The following ISG20 variants were observed in gnomAD, a reference collection of about 807,000 sequenced individuals.
The protein encoded by ISG20 is interferon stimulated exonuclease gene 20, also known as interferon-stimulated gene 20 kDa protein.
Under a neutral mutation model 11.1 loss-of-function variants are expected in ISG20, and 8 were observed. The observed-to-expected ratio is 0.72, with a 90% CI of 0.42 to 1.30. The LOEUF (loss-of-function observed/expected upper bound fraction) is 1.30. ISG20 is among the 50% of genes most tolerant of loss of function. ISG20 has a pLI of 0.01. For synonymous variants in ISG20, 110 were observed against 101.7 expected, an observed-to-expected ratio of 1.08 and a Z score of -0.49; for missense variants, 243 against 250.2, an observed-to-expected ratio of 0.97 and a Z score of 0.19.
chr15:88,636,550 T>G (rs981560365), upstream of ISG20, among the ~76,000 whole-genome samples: 3 of 152,154 alleles, frequency 2.0e-5, no homozygotes, highest in Non-Finnish European at 4.4e-5. Context: ...GGATAGGAAG[T>G]AAACTTTTAG....
rs1596041623 is a variant in ISG20 at position 88,639,310 on chromosome 15, G to A, written c.-24-33G>A. 2.1e-6 allele frequency: 3 copies of A among 1,396,284 alleles called. No homozygotes were observed. Among genetic ancestry groups the A allele is most frequent in the East Asian group, 2.4e-5 (1 of 41,198 alleles). The allele number at this position is 1,396,284 out of a possible 1,614,324, so 86.5% of individuals were successfully genotyped here. On this transcript the variant is annotated intron_variant, in intron 1 of 3. Transcript: ENST00000306072. This position sits in a 1 kb window ranked among gnomAD's most constrained non-coding sequence, Gnocchi z 4.2. ...ACACCTGGAGGCTTGGTTTGCCCAA[G>A]CGTGAGACCGCCCCCCATACCCCTC...
At chr15:88,655,344 G>A in intron 3 of ISG20, 71 bp from the exon 4 acceptor site, 1 of 1,391,224 alleles carries the variant, frequency 7.2e-7, no homozygotes, top group Non-Finnish European at 1.0e-6. Flanking sequence ...GATGTGACCA[G>A]GGAAGACCCT....
Position 88,639,954 on chromosome 15 carries a change from T to C in ISG20, c.228+360T>C, listed in dbSNP as rs1295231016. 6.6e-6 allele frequency among the ~76,000 whole-genome samples: 1 copy of C among 152,222 alleles called. No homozygotes were observed. The highest frequency in any genetic ancestry group is 1.5e-5 in the Non-Finnish European group (1 of 68,034). On this transcript the variant is annotated intron_variant, in intron 2 of 3. Transcript: ENST00000306072. The surrounding 1 kb of genome is among the most constrained non-coding windows in gnomAD (Gnocchi z 4.2). ...GACCTGTGGGGAAATGAGAGGATTC[T>C]TGGCTGAGGCTCTGGCAAGAGGCTT... is the stretch of plus-strand genomic sequence containing the variant.
intron 2 of ISG20, among the ~76,000 whole-genome samples, chr15:88,645,680 C>A (rs1472510275): frequency 6.6e-6 from 1 of 152,164 alleles, no homozygotes; most frequent in Non-Finnish European, 1.5e-5. Context: ...AACTCCTAGT[C>A]TCTCCTATCC....
At chr15:88,640,387 C>T (rs982453686) in intron 2 of ISG20, among the ~76,000 whole-genome samples, 1 of 152,170 alleles carries the variant, frequency 6.6e-6, no homozygotes, top group African/African-American at 2.4e-5. Context: ...TGAGCACTCA[C>T]TATGCACTGG....
intron 3 of ISG20, among the ~76,000 whole-genome samples, chr15:88,652,873 G>C (rs956159017): frequency 1.4e-4 from 21 of 151,538 alleles, no homozygotes; most frequent in Non-Finnish European, 2.6e-4. Context: ...CCTCACCTCA[G>C]ATATGTCTCA....
At chr15:88,640,438 C>G (rs2141388635) in intron 2 of ISG20, among the ~76,000 whole-genome samples, 1 of 152,310 alleles carries the variant, frequency 6.6e-6, no homozygotes, top group South Asian at 2.1e-4. Flanking sequence ...CTCATTCACT[C>G]CTCACAAACA....
At chr15:88,637,351 T>C, upstream of ISG20, 1 of 150,712 alleles carries the variant, frequency 6.6e-6, no homozygotes, top group African/African-American at 2.4e-5. Context: ...TTTTTTTTTT[T>C]TGGACATCAG....
At chr15:88,637,021 T>C (rs1240904572), upstream of ISG20, among the ~76,000 whole-genome samples, 1 of 152,022 alleles carries the variant, frequency 6.6e-6, no homozygotes, top group Non-Finnish European at 1.5e-5. Context: ...GTTGGAAGTG[T>C]GGGAGGTGGG....
At chr15:88,640,840 G>C (rs537931801) in intron 2 of ISG20, among the ~76,000 whole-genome samples, 1 of 151,784 alleles carries the variant, frequency 6.6e-6, no homozygotes, top group African/African-American at 2.4e-5. Context: ...GGTGGCACAT[G>C]CCCATGGTCA....
rs202155196 is a variant in ISG20, at chr15:88,639,380, G to A, written c.14G>A (p.Arg5His). The A allele has an allele frequency of 8.7e-6, 14 of 1,612,426 alleles. No homozygotes were observed. Among genetic ancestry groups the A allele is most frequent in the Non-Finnish European group, 1.2e-5 (14 of 1,179,148 alleles). The change falls in exon 2 of 4, where the codon CGT (arginine) becomes CAT (histidine). Residue 5 changes from arginine to histidine, a missense_variant. By Grantham distance (29) the Arg-to-His change is conservative. Transcript: ENST00000306072. The surrounding 1 kb of genome is among the most constrained non-coding windows in gnomAD (Gnocchi z 4.2). ...TCCCCAAGGAACATGGCTGGGAGCC[G>A]TGAGGTGGTGGCCATGGACTGCGAG... is the stretch of plus-strand genomic sequence containing the variant. The part of the protein sequence containing the change: MAGS[R>H]EVVAMDCEMV...
At chr15:88,644,303 G>T (rs2058131294) in intron 2 of ISG20, among the ~76,000 whole-genome samples, 1 of 151,996 alleles carries the variant, frequency 6.6e-6, no homozygotes. Context: ...GGAGGCCGAG[G>T]TGGGCAGATC....
In ISG20 at chr15:88,639,497, G is replaced by C. The variant is rs762977706; in HGVS notation, c.131G>C (p.Arg44Pro). 1.9e-6 allele frequency: 3 copies of C among 1,614,080 alleles called. No individual in the cohort carries two copies. The highest frequency in any genetic ancestry group is 2.7e-5 in the African/African-American group (2 of 74,916). The part of the protein sequence containing the change: ...HGAVLYDKFI[R>P]PEGEITDYRT... Reference sequence around the variant, plus strand: ...GCTGTGCTGTACGACAAGTTCATCCGGCCTGAGGGAGAGATCACCGATTAC... The same window carrying C: ...GCTGTGCTGTACGACAAGTTCATCCCGCCTGAGGGAGAGATCACCGATTAC... The change falls in exon 2 of 4, where the codon CGG (arginine) becomes CCG (proline). Residue 44 changes from arginine (R) to proline (P), a missense_variant. Coordinates refer to ENST00000306072, the MANE Select transcript of ISG20 (RefSeq NM_002201.6). This position sits in a 1 kb window ranked among gnomAD's most constrained non-coding sequence, Gnocchi z 4.2.
rs766805430 is a variant in ISG20, at chr15:88,652,148, T to C, written c.267T>C (p.His89=). The change falls in exon 3 of 4, where the codon CAT becomes CAC. Residue 89 remains histidine (H), a synonymous_variant. Transcript: ENST00000306072. ...TGAAAGGCAAGCTGGTGGTGGGTCA[T>C]GACCTGAAGCACGACTTCCAGGCAC... ...QLLKGKLVVG[H]DLKHDFQALK... 1 of 1,614,072 alleles carries C rather than the reference T, an allele frequency of 6.2e-7. No homozygotes were observed. The highest frequency in any genetic ancestry group is 2.2e-5 in the East Asian group (1 of 44,866).
intron 3 of ISG20, among the ~76,000 whole-genome samples, chr15:88,652,956 A>G (rs915801939): frequency 6.6e-6 from 1 of 151,766 alleles, no homozygotes; most frequent in African/African-American, 2.4e-5. Flanking sequence ...GCTCCTGGGC[A>G]CTGATTCCGC....
At chr15:88,654,685 C>T (rs1416842286) in intron 3 of ISG20, among the ~76,000 whole-genome samples, 1 of 152,194 alleles carries the variant, frequency 6.6e-6, no homozygotes, top group African/African-American at 2.4e-5. Context: ...GTGTGTGAGC[C>T]TCAGTTTTAT....
chr15:88,642,763 T>C (rs1268831108), intron 2 of ISG20, among the ~76,000 whole-genome samples: 1 of 152,266 alleles, frequency 6.6e-6, no homozygotes, highest in Non-Finnish European at 1.5e-5. Context: ...CAAGTAGCTG[T>C]GCACCACCAC....
upstream of ISG20, among the ~76,000 whole-genome samples, chr15:88,637,765 A>G (rs561216591): frequency 2.6e-4 from 39 of 152,302 alleles, no homozygotes; most frequent in Non-Finnish European, 5.3e-4. Context: ...GTAGAATCAA[A>G]CCTATGATTG....
rs2058036773 is a variant in ISG20, at chr15:88,639,224, C to A, written c.-24-119C>A. The A allele has an allele frequency of 1.6e-6, 1 of 641,418 alleles. No homozygotes were observed. The highest frequency in any genetic ancestry group is 2.7e-6 in the Non-Finnish European group (1 of 371,822). The allele number at this position is 641,418 out of a possible 1,614,324, so 39.7% of individuals were successfully genotyped here. On this transcript the variant is annotated intron_variant, in intron 1 of 3. Transcript: ENST00000306072. This position sits in a 1 kb window ranked among gnomAD's most constrained non-coding sequence, Gnocchi z 4.2. Reference sequence around the variant, plus strand: ...GGCAAGAGGCCAGCTTCCACTGTGGCCAGGTGGTGTCGGAAACAAAGGGCA... The same window carrying A: ...GGCAAGAGGCCAGCTTCCACTGTGGACAGGTGGTGTCGGAAACAAAGGGCA...
Sources: allele counts gnomAD v4.1 joint callset (sites outside exome capture counted in the v4.1 genomes callset), GRCh38; gene constraint gnomAD v4.1.1; non-coding constraint Gnocchi (gnomAD v3.1); transcripts MANE v1.5; gene names NCBI Gene and HGNC (gene_info 2026-07-23, HGNC 2026-07-21).